Variants in CCDC14 observed in about 807,000 individuals in gnomAD.
CCDC14 encodes coiled-coil domain-containing protein 14.
CCDC14 carries 71 observed loss-of-function variants against 81.4 expected under a neutral mutation model. That is an observed-to-expected ratio of 0.87 (90% confidence interval 0.72 to 1.06). CCDC14 has a LOEUF of 1.06. CCDC14 is among the 50% of genes least tolerant of loss of function. The pLI, the probability that CCDC14 is intolerant of heterozygous loss-of-function variation, is 0.00. For missense variants in CCDC14, 1,046 were observed against 1,047.3 expected, an observed-to-expected ratio of 1.00 and a Z score of 0.02; for synonymous variants, 332 against 364.8, an observed-to-expected ratio of 0.91 and a Z score of 1.03.
intron 12 of CCDC14, among the ~76,000 whole-genome samples, chr3:123,927,026 T>C (rs2035403064): frequency 6.6e-6 from 1 of 152,114 alleles, no homozygotes; most frequent in Admixed American, 6.5e-5. Flanking sequence ...CCAATTGAAT[T>C]GCATAGGGTG....
downstream of CCDC14, among the ~76,000 whole-genome samples, chr3:123,911,758 G>A (rs556192262): frequency 1.3e-5 from 2 of 152,206 alleles, no homozygotes; most frequent in South Asian, 4.2e-4. Flanking sequence ...TTAGCTGAGG[G>A]AATGTGAGCA....
At chr3:123,912,889 T>G (rs2034478703), downstream of CCDC14, among the ~76,000 whole-genome samples, 1 of 152,110 alleles carries the variant, frequency 6.6e-6, no homozygotes. Context: ...CCACCTCTAT[T>G]TCAGTCAGGT....
intron 10 of CCDC14, among the ~76,000 whole-genome samples, 158 bp from the exon 11 acceptor site, chr3:123,931,684 A>G (rs1214846386): frequency 6.6e-6 from 1 of 151,870 alleles, no homozygotes; most frequent in African/African-American, 2.4e-5. Context: ...TACTACATAT[A>G]TTTTTAAAAA....
the CCDC14 span, among the ~76,000 whole-genome samples, chr3:123,887,623 T>C: frequency 2.0e-5 from 3 of 152,216 alleles, no homozygotes; most frequent in African/African-American, 7.2e-5. Flanking sequence ...GACGGCACCT[T>C]CTCACTTTGC....
chr3:123,908,746 G>T (rs1332513113), downstream of CCDC14, among the ~76,000 whole-genome samples: 1 of 152,088 alleles, frequency 6.6e-6, no homozygotes, highest in Non-Finnish European at 1.5e-5. Context: ...TATGGGGAGG[G>T]GAGAGGTAGT....
At chr3:123,915,796 A>T in intron 12 of CCDC14, 78 bp from the exon 13 acceptor site, 1 of 1,104,042 alleles carries the variant, frequency 9.1e-7, no homozygotes, top group Non-Finnish European at 1.3e-6. Flanking sequence ...CTCCATCTTT[A>T]AAAAAAGGAT....
intron 5 of CCDC14, among the ~76,000 whole-genome samples, chr3:123,901,679 T>C (rs2700366): frequency 0.039 from 5,940 of 152,206 alleles, 390 homozygotes; most frequent in African/African-American, 0.13. Flanking sequence ...CATTTATAAA[T>C]CACTTTTTTG....
chr3:123,946,776 C>G (rs1382521695), intron 8 of CCDC14, 27 bp downstream of exon 8: 1 of 1,589,540 alleles, frequency 6.3e-7, no homozygotes, highest in East Asian at 2.2e-5. Context: ...TAACACCATA[C>G]TACAGAAAGT....
intron 8 of CCDC14, among the ~76,000 whole-genome samples, chr3:123,945,718 G>C (rs926012642): frequency 6.6e-6 from 1 of 152,294 alleles, no homozygotes; most frequent in Non-Finnish European, 1.5e-5. Context: ...GAAGTTGAAA[G>C]TGTATTCTAA....
downstream of CCDC14, among the ~76,000 whole-genome samples, chr3:123,912,149 G>A (rs1235945399): frequency 6.6e-6 from 1 of 152,176 alleles, no homozygotes; most frequent in Non-Finnish European, 1.5e-5. Context: ...CAAAATGCTA[G>A]AGGATGGTTC....
intron 9 of CCDC14, among the ~76,000 whole-genome samples, chr3:123,940,515 T>C (rs1422104311): frequency 6.6e-6 from 1 of 152,012 alleles, no homozygotes; most frequent in African/African-American, 2.4e-5. Flanking sequence ...TTTAATGCTA[T>C]GCAAAATCTC....
chr3:123,928,942 CAAATA>C (rs1243574034), intron 12 of CCDC14, among the ~76,000 whole-genome samples: 2 of 151,788 alleles, frequency 1.3e-5, no homozygotes, highest in African/African-American at 4.8e-5. Flanking sequence ...TAGATGAGGA[CAAATA>C]AAATGACATA....
chr3:123,934,675 T>C (rs2035961079), intron 9 of CCDC14, among the ~76,000 whole-genome samples: 1 of 152,208 alleles, frequency 6.6e-6, no homozygotes. Context: ...CATATGCAAG[T>C]GTTTTCTTTA....
chr3:123,945,381 T>C (rs974727413), intron 8 of CCDC14, among the ~76,000 whole-genome samples: 1 of 152,110 alleles, frequency 6.6e-6, no homozygotes, highest in African/African-American at 2.4e-5. Flanking sequence ...TATTAACATT[T>C]ATAATACAAC....
At chr3:123,959,976 C>T (rs1306383652) in intron 1 of CCDC14, among the ~76,000 whole-genome samples, 1 of 151,960 alleles carries the variant, frequency 6.6e-6, no homozygotes. Context: ...CTGGAATAAG[C>T]CTTTCTATCT....
At chr3:123,916,483 T>TGTGA (rs1259751664) in intron 12 of CCDC14, among the ~76,000 whole-genome samples, 1 of 151,644 alleles carries the variant, frequency 6.6e-6, no homozygotes. Flanking sequence ...TGTGTGTGTG[T>TGTGA]GTGTGTGTGT....
At chr3:123,911,377 G>A (rs1317732692), downstream of CCDC14, among the ~76,000 whole-genome samples, 2 of 152,150 alleles carry the variant, frequency 1.3e-5, no homozygotes, top group Non-Finnish European at 1.5e-5. Flanking sequence ...GAACCCACAT[G>A]TTTAAGCAAT....
intron 9 of CCDC14, 22 bp downstream of exon 9, chr3:123,944,827 A>G: frequency 6.3e-7 from 1 of 1,590,150 alleles, no homozygotes; most frequent in Middle Eastern, 1.7e-4. Flanking sequence ...ACAGACAAAA[A>G]TATTCAAAGA....
At position 123,913,843 on chromosome 3, in the gene CCDC14, C is replaced by G; in HGVS notation, c.*936G>C. ...ACATTCAGCTTCCTAAGAGTTAAAA[C>G]GTGCTGCTTACATGAAGGGAGATGA... is the stretch of plus-strand genomic sequence containing the variant. On this transcript the variant is annotated 3_prime_UTR_variant, in exon 13 of 13. Transcript: ENST00000409697. The G allele has an allele frequency of 1.0e-6, 1 of 985,264 alleles. No individual in the cohort carries two copies. The highest frequency in any genetic ancestry group is 1.2e-6 in the Non-Finnish European group (1 of 829,892). The allele number at this position is 985,264 out of a possible 1,614,324, so 61.0% of individuals were successfully genotyped here.
Sources: gnomAD v4.1 joint callset for allele counts (sites outside exome capture counted in the v4.1 genomes callset) on GRCh38, gnomAD v4.1.1 for gene constraint, MANE v1.5 for transcripts, NCBI Gene and HGNC (gene_info 2026-07-23, HGNC 2026-07-21) for gene names.